The following NHSL3 variants were observed in gnomAD, a reference collection of about 807,000 sequenced individuals.
NHSL3 encodes the protein NHS-like protein 3.
the NHSL3 span, chr1:32,770,665 C>T: frequency 1.6e-5 from 24 of 1,524,590 alleles, no homozygotes; most frequent in South Asian, 2.6e-5. The surrounding 1 kb of genome is among the most constrained non-coding windows in gnomAD (Gnocchi z 8.3). Context: ...TAAGCTGAAG[C>T]GGCCTCCACC....
the NHSL3 span, chr1:32,765,883 G>A: frequency 6.8e-7 from 1 of 1,468,706 alleles, no homozygotes; most frequent in Non-Finnish European, 9.2e-7. Flanking sequence ...CCCTTTCCCA[G>A]ACCCTTATGT....
At chr1:32,742,050 C>G in the NHSL3 span, 5 of 1,261,522 alleles carry the variant, frequency 4.0e-6, no homozygotes, top group Non-Finnish European at 4.0e-6. Context: ...CCGGCGCGTC[C>G]GGCCTCCGCC....
At chr1:32,761,041 C>A in the NHSL3 span, among the ~76,000 whole-genome samples, 1 of 152,120 alleles carries the variant, frequency 6.6e-6, no homozygotes, top group Non-Finnish European at 1.5e-5. Context: ...GGCGTGGCCA[C>A]CAGGAGCAAG....
chr1:32,772,138 G>A, the NHSL3 span: 77 of 1,613,214 alleles, frequency 4.8e-5, 1 homozygote, highest in South Asian at 7.1e-4. Flanking sequence ...GGAGCGGCCC[G>A]TGTCCCCTGA....
the NHSL3 span, chr1:32,771,504 T>C: frequency 2.3e-6 from 2 of 864,300 alleles, no homozygotes; most frequent in Admixed American, 2.2e-5. Flanking sequence ...CCCCACCCCC[T>C]GCCCCTGAGG....
the NHSL3 span, chr1:32,772,331 C>G: frequency 6.2e-7 from 1 of 1,610,584 alleles, no homozygotes; most frequent in Admixed American, 1.7e-5. Context: ...ACTGCTCCTC[C>G]CACCAATGGG....
At chr1:32,769,821 G>C in the NHSL3 span, 1 of 1,610,830 alleles carries the variant, frequency 6.2e-7, no homozygotes, top group African/African-American at 1.3e-5. Flanking sequence ...TGGTGGGGTG[G>C]GTGGGGAGCC....
chr1:32,767,952 A>G, the NHSL3 span: 1 of 1,613,086 alleles, frequency 6.2e-7, no homozygotes, highest in East Asian at 2.2e-5. Context: ...TCCCTACAAC[A>G]CCAAGGTAAG....
the NHSL3 span, among the ~76,000 whole-genome samples, chr1:32,751,437 G>A: frequency 6.6e-6 from 1 of 152,160 alleles, no homozygotes; most frequent in South Asian, 2.1e-4. Flanking sequence ...TATGTGCTGA[G>A]CCTGGGGTTA....
the NHSL3 span, among the ~76,000 whole-genome samples, chr1:32,764,394 C>T: frequency 6.6e-6 from 1 of 152,208 alleles, no homozygotes; most frequent in Admixed American, 6.5e-5. Context: ...AGTTCTTCTC[C>T]ATTAACTATA....
the NHSL3 span, among the ~76,000 whole-genome samples, chr1:32,750,828 T>A: frequency 6.8e-6 from 1 of 147,948 alleles, no homozygotes; most frequent in South Asian, 2.2e-4. Flanking sequence ...TTATTTATTT[T>A]TTTGAGACAG....
At chr1:32,745,927 A>G in the NHSL3 span, among the ~76,000 whole-genome samples, 1 of 152,036 alleles carries the variant, frequency 6.6e-6, no homozygotes, top group Non-Finnish European at 1.5e-5. Context: ...GGACTCAGAC[A>G]TAAGAAAAAG....
chr1:32,756,953 G>A, the NHSL3 span, among the ~76,000 whole-genome samples: 1 of 152,154 alleles, frequency 6.6e-6, no homozygotes, highest in Non-Finnish European at 1.5e-5. Flanking sequence ...TGGGTGACAA[G>A]AACTCGACTC....
chr1:32,751,185 G>T, the NHSL3 span, among the ~76,000 whole-genome samples: 1 of 152,170 alleles, frequency 6.6e-6, no homozygotes, highest in Non-Finnish European at 1.5e-5. Flanking sequence ...TGGTCCATAT[G>T]CCTTCCATAC....
At chr1:32,768,197 G>C in the NHSL3 span, 1 of 1,011,570 alleles carries the variant, frequency 9.9e-7, no homozygotes, top group South Asian at 1.3e-5. Context: ...ACATTTCTGG[G>C]TCTCAGTTTC....
At chr1:32,771,132 G>A in the NHSL3 span, 2 of 1,612,588 alleles carry the variant, frequency 1.2e-6, no homozygotes, top group Non-Finnish European at 1.7e-6. Context: ...CACAGATATT[G>A]ACCCCCCTGG....
At chr1:32,765,745 A>G in the NHSL3 span, 1 of 1,546,536 alleles carries the variant, frequency 6.5e-7, no homozygotes, top group Non-Finnish European at 8.7e-7. Flanking sequence ...TGGGATAGGG[A>G]ACGTCTCGAG....
chr1:32,756,842 A>G, the NHSL3 span, among the ~76,000 whole-genome samples: 1 of 151,558 alleles, frequency 6.6e-6, no homozygotes, highest in Non-Finnish European at 1.5e-5. Context: ...GGTGGTGGGC[A>G]CCTGTAATCC....
the NHSL3 span, among the ~76,000 whole-genome samples, chr1:32,754,749 A>G: frequency 0.015 from 2,343 of 152,200 alleles, 58 homozygotes; most frequent in African/African-American, 0.053. Context: ...TTAGCCCCCA[A>G]CAGGCTGAAG....
Sources: allele counts gnomAD v4.1 joint callset (sites outside exome capture counted in the v4.1 genomes callset), GRCh38; gene constraint gnomAD v4.1.1; non-coding constraint Gnocchi (gnomAD v3.1); transcripts MANE v1.5; gene names NCBI Gene and HGNC (gene_info 2026-07-23, HGNC 2026-07-21).